The following CDH13 variants were observed in gnomAD, a reference collection of about 807,000 sequenced individuals.
The protein encoded by CDH13 is cadherin-13.
A neutral mutation model predicts 63.8 loss-of-function variants in CDH13; 24 were observed. The ratio of observed to expected loss-of-function variants is 0.38; its 90% confidence interval spans 0.27 to 0.53. The LOEUF (loss-of-function observed/expected upper bound fraction) is 0.53, where lower values mean the gene tolerates loss of function less well. Among genes scored for constraint, CDH13 ranks in the 20% least tolerant of loss-of-function variants. The pLI is 0.85. For missense variants in CDH13, 1,049 were observed against 903.1 expected (o/e 1.16, Z -2.07); for synonymous variants, 503 against 355.3 (o/e 1.42, Z -4.67).
At chr16:83,238,101 G>A (rs1904278584) in intron 5 of CDH13, among the ~76,000 whole-genome samples, 1 of 2,894 alleles carries the variant, frequency 3.5e-4, no homozygotes, top group South Asian at 0.012. Context: ...GGACTGAGGA[G>A]TGGATCCCTT....
chr16:82,866,704 TG>T (rs904073498), intron 2 of CDH13, among the ~76,000 whole-genome samples: 2 of 152,252 alleles, frequency 1.3e-5, no homozygotes, highest in South Asian at 4.1e-4. Flanking sequence ...TCAGCATGCC[TG>T]GGGAGGCCTT....
intron 5 of CDH13, among the ~76,000 whole-genome samples, chr16:83,342,843 G>GTTTTTTTTTTTTTTTTTTTT (rs778316746): frequency 1.2e-4 from 8 of 65,300 alleles, no homozygotes; most frequent in African/African-American, 2.6e-4. Flanking sequence ...TTTTGTTTCT[G>GTTTTTTTTTTTTTTTTTTTT]TTTTTTTTTT....
intron 1 of CDH13, among the ~76,000 whole-genome samples, chr16:82,773,984 T>C (rs1464805502): frequency 1.3e-5 from 2 of 152,056 alleles, no homozygotes; most frequent in Admixed American, 1.3e-4. Flanking sequence ...AGGGTTTCAC[T>C]ATGTTGGCCA....
chr16:83,170,413 A>T (rs1382628683), intron 4 of CDH13, among the ~76,000 whole-genome samples: 5 of 152,126 alleles, frequency 3.3e-5, no homozygotes, highest in African/African-American at 1.2e-4. Flanking sequence ...AGGGTTCCCA[A>T]ACTGGAAGAT....
At chr16:82,915,575 C>G (rs1172083892) in intron 2 of CDH13, among the ~76,000 whole-genome samples, 1 of 151,852 alleles carries the variant, frequency 6.6e-6, no homozygotes, top group Non-Finnish European at 1.5e-5. Flanking sequence ...ATTGTCAGGT[C>G]GACAGGAGGA....
chr16:83,410,417 A>T (rs2092108694), intron 6 of CDH13, among the ~76,000 whole-genome samples: 1 of 152,224 alleles, frequency 6.6e-6, no homozygotes, highest in Non-Finnish European at 1.5e-5. Flanking sequence ...ATGAAAATTC[A>T]TGTTGCATTT....
intron 5 of CDH13, among the ~76,000 whole-genome samples, chr16:83,253,491 G>C (rs1905838348): frequency 6.6e-6 from 1 of 152,222 alleles, no homozygotes; most frequent in African/African-American, 2.4e-5. Flanking sequence ...TTCGCCACAA[G>C]ATACCTGTGC....
chr16:82,779,140 G>A lies in CDH13; in HGVS notation c.46-79222G>A, dbSNP rs116637908. Among the ~76,000 whole-genome samples the A allele has an allele frequency of 9.2e-3, 1,406 of 152,284 alleles. 21 individuals are homozygous for A. Among genetic ancestry groups the A allele is most frequent in the African/African-American group, 0.032 (1,335 of 41,556 alleles). ...ACTATTTTTTAAATGTAATAAATAC[G>A]TAAGTAGCAGTTACTGTATGCTAGA... On this transcript the variant is annotated intron_variant, in intron 1 of 13. Coordinates refer to ENST00000567109, the MANE Select transcript of CDH13 (RefSeq NM_001257.5).
At chr16:83,094,198 A>T (rs534900057) in intron 3 of CDH13, among the ~76,000 whole-genome samples, 1 of 152,220 alleles carries the variant, frequency 6.6e-6, no homozygotes, top group Non-Finnish European at 1.5e-5. Context: ...GGCAAGGCCA[A>T]CAACGCCTGG....
intron 7 of CDH13, among the ~76,000 whole-genome samples, chr16:83,600,985 C>A (rs1055522266): frequency 6.6e-6 from 1 of 152,140 alleles, no homozygotes; most frequent in African/African-American, 2.4e-5. Context: ...CTAGCTCCCC[C>A]TGCCAAATGC....
chr16:82,742,436 G>A (rs1407556940), intron 1 of CDH13, among the ~76,000 whole-genome samples: 1 of 152,086 alleles, frequency 6.6e-6, no homozygotes, highest in Non-Finnish European at 1.5e-5. Context: ...AACTTGTACT[G>A]TTAACTGGGC....
chr16:83,728,366 G>GTGTGTGTGTTGTT (rs1910672455), intron 10 of CDH13, among the ~76,000 whole-genome samples: 1 of 49,680 alleles, frequency 2.0e-5, no homozygotes, highest in Non-Finnish European at 6.4e-5. Flanking sequence ...TGTGTGTTGT[G>GTGTGTGTGTTGTT]AAGATACATT....
intron 1 of CDH13, among the ~76,000 whole-genome samples, chr16:82,649,994 C>G (rs551162616): frequency 6.6e-6 from 1 of 152,106 alleles, no homozygotes; most frequent in African/African-American, 2.4e-5. Context: ...CCTTAGTCAT[C>G]ACAACAAGGA....
chr16:83,217,530 G>A lies in CDH13; in HGVS notation c.636+33G>A, dbSNP rs138221080. 4.6e-3 allele frequency: 7,281 copies of A among 1,593,120 alleles called. 25 individuals are homozygous for A. The highest frequency in any genetic ancestry group is 5.7e-3 in the Non-Finnish European group (6,597 of 1,166,736). The stretch of plus-strand genomic sequence containing the variant: ...CCCCTCTCCCATGCCCACCCTGTGC[G>A]CAGAAATGTGGCTTTCAAAGATTGT... On this transcript the variant is annotated intron_variant, in intron 5 of 13. Transcript: ENST00000567109.
At position 83,799,562 on chromosome 16, in the gene CDH13, C is replaced by G. The variant is rs1394961759; in HGVS notation, c.*4532C>G. ...CATGAGTCAACAGGGTAAGTCACAC[C>G]AACAGGAAACCCAAGCACTAAAAAA... On this transcript the variant is annotated 3_prime_UTR_variant, in exon 14 of 14. Transcript: ENST00000567109. The G allele has an allele frequency of 6.6e-6, 1 of 152,062 alleles. No individual in the cohort carries two copies. Among genetic ancestry groups the G allele is most frequent in the African/African-American group, 2.4e-5 (1 of 41,404 alleles). The allele number at this position is 152,062 out of a possible 1,614,324, so 9.4% of individuals were successfully genotyped here.
chr16:82,678,165 C>A (rs997150954), intron 1 of CDH13, among the ~76,000 whole-genome samples: 2 of 152,078 alleles, frequency 1.3e-5, no homozygotes, highest in East Asian at 1.9e-4. Context: ...TGTGGCCAAA[C>A]ATGCTGTGTA....
chr16:82,688,710 C>T (rs1915335140), intron 1 of CDH13, among the ~76,000 whole-genome samples: 1 of 152,144 alleles, frequency 6.6e-6, no homozygotes, highest in South Asian at 2.1e-4. Flanking sequence ...ATTATTCTTA[C>T]CTTCATTTAA....
At chr16:83,375,426 T>A (rs1284990852) in intron 6 of CDH13, among the ~76,000 whole-genome samples, 1 of 152,176 alleles carries the variant, frequency 6.6e-6, no homozygotes, top group African/African-American at 2.4e-5. Context: ...TATTTGTAGA[T>A]TAAAAATTGT....
intron 5 of CDH13, among the ~76,000 whole-genome samples, chr16:83,240,495 G>C (rs965832587): frequency 1.3e-5 from 2 of 152,090 alleles, no homozygotes; most frequent in Non-Finnish European, 2.9e-5. Flanking sequence ...ACTTGGATTA[G>C]AGAGTGAGGC....
Sources: allele counts gnomAD v4.1 joint callset (sites outside exome capture counted in the v4.1 genomes callset), GRCh38; gene constraint gnomAD v4.1.1; transcripts MANE v1.5; gene names NCBI Gene and HGNC (gene_info 2026-07-23, HGNC 2026-07-21).